NECAB1: variants seen among roughly 807,000 people sequenced by gnomAD.
NECAB1 encodes the protein N-terminal EF-hand calcium binding protein 1.
NECAB1 carries 29 observed loss-of-function variants against 57.5 expected under a neutral mutation model. That is an observed-to-expected ratio of 0.50 (90% CI 0.38 to 0.69). The LOEUF is 0.69. NECAB1 is among the 30% of genes least tolerant of loss of function. The pLI is 0.00. For synonymous variants in NECAB1, 142 were observed against 147.7 expected (o/e 0.96, Z 0.28); for missense variants, 372 against 413.8 (o/e 0.90, Z 0.88).
chr8:90,856,786 G>T (rs1445112539), intron 3 of NECAB1, among the ~76,000 whole-genome samples: 1 of 152,170 alleles, frequency 6.6e-6, no homozygotes, highest in African/African-American at 2.4e-5. Flanking sequence ...CTGACAAAGT[G>T]CAGCACTTGC....
At chr8:90,925,232 T>C (rs1810231696) in intron 6 of NECAB1, among the ~76,000 whole-genome samples, 1 of 151,982 alleles carries the variant, frequency 6.6e-6, no homozygotes, top group East Asian at 1.9e-4. Context: ...TTAAACAAAA[T>C]ACAATAGCTG....
At chr8:90,929,653 A>G (rs1810359675) in intron 8 of NECAB1, among the ~76,000 whole-genome samples, 1 of 152,196 alleles carries the variant, frequency 6.6e-6, no homozygotes, top group Non-Finnish European at 1.5e-5. Context: ...AGTCTTGATA[A>G]CAATCCCAGA....
At chr8:90,854,735 C>T (rs1461859953) in intron 3 of NECAB1, among the ~76,000 whole-genome samples, 2 of 152,200 alleles carry the variant, frequency 1.3e-5, no homozygotes, top group Non-Finnish European at 2.9e-5. Flanking sequence ...GCAACAATAG[C>T]AGTCACTGTT....
intron 5 of NECAB1, among the ~76,000 whole-genome samples, chr8:90,905,308 C>G (rs1282980474): frequency 6.6e-6 from 1 of 152,176 alleles, no homozygotes; most frequent in Non-Finnish European, 1.5e-5. Context: ...TACTGAAACT[C>G]TTGTTTGCAG....
In NECAB1 at chr8:90,958,634, A is replaced by G. The variant is rs1014417963; in HGVS notation, c.*3122A>G. 1 of 231,448 alleles carries G rather than the reference A, an allele frequency of 4.3e-6. No individual in the cohort carries two copies. The allele number at this position is 231,448 out of a possible 1,614,324, so 14.3% of individuals were successfully genotyped here. A position where few individuals can be genotyped will look rare whatever the true frequency, so the allele number is the denominator to read the frequency against. ...AAAGCAACAAGCAATTATGTACCATATATACACTGTAGCAAATATTTTATA... is the reference window on the plus strand; with the variant it reads ...AAAGCAACAAGCAATTATGTACCATGTATACACTGTAGCAAATATTTTATA... On this transcript the variant is annotated 3_prime_UTR_variant, in exon 13 of 13. Transcript: ENST00000417640.
At chr8:90,821,866 C>G (rs973359738) in intron 2 of NECAB1, among the ~76,000 whole-genome samples, 3 of 151,692 alleles carry the variant, frequency 2.0e-5, no homozygotes, top group Admixed American at 6.6e-5. Context: ...GGATAAAGTG[C>G]CCTACTAGCA....
chr8:90,837,912 G>A (rs1303702193), intron 3 of NECAB1, among the ~76,000 whole-genome samples: 3 of 152,074 alleles, frequency 2.0e-5, no homozygotes, highest in Non-Finnish European at 4.4e-5. Flanking sequence ...ATTTCAACTT[G>A]TATGCTGAAT....
At chr8:90,902,596 A>G (rs1473859251) in intron 5 of NECAB1, among the ~76,000 whole-genome samples, 1 of 152,210 alleles carries the variant, frequency 6.6e-6, no homozygotes, top group East Asian at 1.9e-4. Context: ...TTTATATTCT[A>G]TAAATGTTCA....
intron 5 of NECAB1, among the ~76,000 whole-genome samples, chr8:90,884,188 A>G (rs986678000): frequency 2.6e-5 from 4 of 152,226 alleles, no homozygotes; most frequent in Admixed American, 2.0e-4. Context: ...TACATTTTCA[A>G]TAATTCTAAG....
rs1029856935 is a variant in NECAB1, at chr8:90,872,160, GTTTC to G, written c.259+11_259+14del. On this transcript the variant is annotated splice_region_variant and intron_variant, in intron 4 of 12. Transcript: ENST00000417640. ...GACACAGAAGAGCTATGTGGTAAGTGTTTCTTTAAGATCAGTCAAACCTATTACT... is the reference window on the plus strand; with the variant it reads ...GACACAGAAGAGCTATGTGGTAAGTGTTTAAGATCAGTCAAACCTATTACT... 3.9e-6 allele frequency: 6 copies of G among 1,545,104 alleles called. No homozygotes were observed. The African/African-American group carries it at 8.2e-5, about 21-fold the overall frequency.
At chr8:90,917,689 T>C in intron 6 of NECAB1, 61 bp downstream of exon 6, 1 of 1,485,592 alleles carries the variant, frequency 6.7e-7, no homozygotes, top group South Asian at 1.4e-5. Context: ...AAAAAACAAT[T>C]GAGAGGCATT....
At position 90,845,572 on chromosome 8, in the gene NECAB1, C is replaced by A. The variant is rs114875368; in HGVS notation, c.233+20747C>A. Among the ~76,000 whole-genome samples, 152 of 152,156 alleles carry A rather than the reference C, an allele frequency of 1.0e-3. 1 individual carries two copies. Among genetic ancestry groups the A allele is most frequent in the African/African-American group, 3.6e-3 (151 of 41,514 alleles). On this transcript the variant is annotated intron_variant, in intron 3 of 12. Coordinates refer to ENST00000417640, the MANE Select transcript of NECAB1 (RefSeq NM_022351.5). ...GTATTGGTTCATCTCCCATTGATTG[C>A]AGTATTTTGTATAAATAGACAGTAA...
At chr8:90,796,743 G>A (rs6471254) in intron 1 of NECAB1, among the ~76,000 whole-genome samples, 80,405 of 152,038 alleles carry the variant, frequency 0.53, 25,195 homozygotes, top group East Asian at 0.86. Context: ...GTACCATAAC[G>A]TAATGAACTT....
intron 9 of NECAB1, 178 bp from the exon 10 acceptor site, chr8:90,940,608 T>C: frequency 1.9e-6 from 1 of 534,332 alleles, no homozygotes; most frequent in Non-Finnish European, 3.4e-6. Flanking sequence ...GGAAAATATC[T>C]TGCCTAGATT....
At chr8:90,890,812 C>T (rs1029274952) in intron 5 of NECAB1, among the ~76,000 whole-genome samples, 9 of 152,170 alleles carry the variant, frequency 5.9e-5, no homozygotes, top group Non-Finnish European at 1.0e-4. Context: ...TGAAAGGAAT[C>T]TAAGTTTTGC....
chr8:90,801,558 A>C, intron 1 of NECAB1, 133 bp from the exon 2 acceptor site: 1 of 661,826 alleles, frequency 1.5e-6, no homozygotes, highest in East Asian at 3.0e-5. Flanking sequence ...ATAAAGAAAG[A>C]TCTCAATTGG....
chr8:90,885,197 G>C (rs1006434312), intron 5 of NECAB1, among the ~76,000 whole-genome samples: 14 of 152,232 alleles, frequency 9.2e-5, no homozygotes, highest in African/African-American at 3.4e-4. Context: ...TGGCGTAGAT[G>C]AGTAGTTCAG....
chr8:90,951,835 G>A (rs1171914366), intron 12 of NECAB1, among the ~76,000 whole-genome samples: 1 of 151,960 alleles, frequency 6.6e-6, no homozygotes, highest in Non-Finnish European at 1.5e-5. Context: ...TTGTGGACTT[G>A]GAGAAGTGAT....
chr8:90,852,872 A>G (rs1214436654), intron 3 of NECAB1, among the ~76,000 whole-genome samples: 1 of 152,182 alleles, frequency 6.6e-6, no homozygotes, highest in Non-Finnish European at 1.5e-5. Context: ...ATTTTTCCTG[A>G]ACACTGGACA....
Sources: allele counts gnomAD v4.1 joint callset (sites outside exome capture counted in the v4.1 genomes callset), GRCh38; gene constraint gnomAD v4.1.1; transcripts MANE v1.5; gene names NCBI Gene and HGNC (gene_info 2026-07-23, HGNC 2026-07-21).